Variants in SRPRA observed in about 807,000 individuals in gnomAD.
SRPRA encodes SRP receptor subunit alpha.
In SRPRA, 30 loss-of-function variants were observed where a neutral mutation model predicts 61.1. That is an observed-to-expected ratio of 0.49 (90% CI 0.37 to 0.67). The LOEUF (loss-of-function observed/expected upper bound fraction) is 0.67, where lower values mean the gene tolerates loss of function less well. Ranked by LOEUF, SRPRA falls within the 30% of genes least tolerant of loss-of-function variation. SRPRA has a pLI of 0.00. For synonymous variants in SRPRA, 324 were observed against 299.7 expected, an observed-to-expected ratio of 1.08 and a Z score of -0.84; for missense variants, 759 against 828.4, an observed-to-expected ratio of 0.92 and a Z score of 1.03.
chr11:126,266,802 T>TGA lies in SRPRA; in HGVS notation c.646_647insTC (p.Glu216ValfsTer66). On this transcript the variant is annotated frameshift_variant, in exon 5 of 14. Coordinates refer to ENST00000332118, the MANE Select transcript of SRPRA (RefSeq NM_003139.4). LOFTEE classifies it high-confidence loss of function. ...ACCCCTCCCATGCTTCTGAATGAACTCCTCGCGCTTCCTGCGGATCAGCTC... is the reference window on the plus strand; with the variant it reads ...ACCCCTCCCATGCTTCTGAATGAACTGACCTCGCGCTTCCTGCGGATCAGCTC... 1.9e-6 allele frequency: 3 copies of TGA among 1,614,160 alleles called. No homozygotes were observed. The highest frequency in any genetic ancestry group is 2.5e-6 in the Non-Finnish European group (3 of 1,180,038).
Position 126,268,832 on chromosome 11 carries a change from G to A in SRPRA, c.-28C>T, listed in dbSNP as rs747312660. On this transcript the variant is annotated 5_prime_UTR_variant, in exon 1 of 14. Transcript: ENST00000332118. ...CGGCAGCGGCAGAGGAGCTGGGGCC[G>A]GCGCCGGGAATTCAGGCCGCGTTCG... 4 of 1,585,548 alleles carry A rather than the reference G, an allele frequency of 2.5e-6. No individual in the cohort carries two copies. Among genetic ancestry groups the A allele is most frequent in the Admixed American group, 1.7e-5 (1 of 59,798 alleles).
Position 126,267,529 on chromosome 11 carries a change from A to C in SRPRA, c.365+20T>G. On this transcript the variant is annotated intron_variant, in intron 3 of 13. Transcript: ENST00000332118. The surrounding 1 kb of genome is among the most constrained non-coding windows in gnomAD (Gnocchi z 4.2). ...CAAATCATGGAAATAAATTGATTTT[A>C]GAGAAGGCAGGTCTCTCACCGAAGG... The C allele has an allele frequency of 1.2e-6, 2 of 1,613,024 alleles. No homozygotes were observed. Among genetic ancestry groups the C allele is most frequent in the Non-Finnish European group, 1.7e-6 (2 of 1,179,470 alleles).
At chr11:126,246,301 A>G in the SRPRA span, among the ~76,000 whole-genome samples, 1 of 152,204 alleles carries the variant, frequency 6.6e-6, no homozygotes, top group African/African-American at 2.4e-5. Context: ...CAGCAGTACT[A>G]TGGCAGGGTT....
At chr11:126,262,117 C>A, downstream of SRPRA, 1 of 1,614,046 alleles carries the variant, frequency 6.2e-7, no homozygotes, top group Non-Finnish European at 8.5e-7. Flanking sequence ...TTTCTCCCTA[C>A]AGGCTGTAGT....
chr11:126,266,865 G>C lies in SRPRA; in HGVS notation c.584C>G (p.Pro195Arg). The C allele has an allele frequency of 1.2e-6, 2 of 1,614,172 alleles. No homozygotes were observed. The highest frequency in any genetic ancestry group is 2.2e-5 in the South Asian group (2 of 91,084). Residue 195 changes from proline to arginine, a missense_variant, in exon 5 of 14, where the codon CCA becomes CGA. This residue lies in a region of SRPRA where 475 missense variants were observed against 462.5 expected (regional missense o/e 1.03). Coordinates refer to ENST00000332118, the MANE Select transcript of SRPRA (RefSeq NM_003139.4). ...KPVPAEKSGL[P>R]VGPENGVELS... ...TTCTACTCCGTTCTCAGGACCCACT[G>C]GAAGACCTGACTTTTCTGCAGGGAC...
the SRPRA span, among the ~76,000 whole-genome samples, chr11:126,241,855 T>TAA: frequency 6.6e-6 from 1 of 151,758 alleles, no homozygotes; most frequent in Admixed American, 6.6e-5. Context: ...CAGCCTGTTT[T>TAA]AAAATCTTAA....
chr11:126,268,629 G>T (rs1950875139), intron 1 of SRPRA, 59 bp downstream of exon 1: 1 of 1,431,456 alleles, frequency 7.0e-7, no homozygotes, highest in African/African-American at 1.4e-5. Context: ...GAGTCGAAGG[G>T]GACCATGGAT....
At chr11:126,240,846 T>G in the SRPRA span, 21 of 1,613,898 alleles carry the variant, frequency 1.3e-5, no homozygotes, top group Middle Eastern at 1.7e-4. Flanking sequence ...TGCTAGTGAT[T>G]GGAACAGGCA....
At chr11:126,237,727 C>T in the SRPRA span, among the ~76,000 whole-genome samples, 13 of 145,174 alleles carry the variant, frequency 9.0e-5, no homozygotes, top group South Asian at 1.5e-3. Flanking sequence ...CGTGGTGGCG[C>T]GTGCCTGTAA....
chr11:126,236,917 CTTTT>C, the SRPRA span, among the ~76,000 whole-genome samples: 4 of 68,398 alleles, frequency 5.8e-5, no homozygotes, highest in South Asian at 5.4e-4. Context: ...TTCACAGATG[CTTTT>C]TTTTTTTTTT....
rs1278875971 is a variant in SRPRA at position 126,265,698 on chromosome 11, C to T, written c.1138+39G>A. 1 of 1,606,734 alleles carries T rather than the reference C, an allele frequency of 6.2e-7. No homozygotes were observed. The highest frequency in any genetic ancestry group is 8.5e-7 in the Non-Finnish European group (1 of 1,173,518). ...TAAGAACTGAGGTCTATGCACTTAA[C>T]CTACACATAAGCACTTTCTCACTTA... On this transcript the variant is annotated intron_variant, in intron 9 of 13. Transcript: ENST00000332118. The surrounding 1 kb of genome is among the most constrained non-coding windows in gnomAD (Gnocchi z 6.3).
chr11:126,254,267 C>G, the SRPRA span: 1 of 1,603,392 alleles, frequency 6.2e-7, no homozygotes, highest in Non-Finnish European at 8.5e-7. Flanking sequence ...AGGTGCTCAG[C>G]CCTGCCAAGC....
chr11:126,268,643 G>A, intron 1 of SRPRA, 45 bp downstream of exon 1: 1 of 1,533,426 alleles, frequency 6.5e-7, no homozygotes, highest in Non-Finnish European at 9.0e-7. Context: ...CATGGATCGG[G>A]TCAGGAAAGA....
rs1249817203 is a variant in SRPRA at position 126,265,074 on chromosome 11, C to G, written c.1410G>C (p.Arg470=). Reference sequence around the variant, plus strand: ...CTGGAGGGTGTAGGGCACTCAAACGCCGGGTGTGTGTACGCAGCTGCTCCA... The same window carrying G: ...CTGGAGGGTGTAGGGCACTCAAACGGCGGGTGTGTGTACGCAGCTGCTCCA... ...GAVEQLRTHT[R]RLSALHPPEK... is the part of the protein sequence containing the mutation. Residue 470 remains arginine (R), a synonymous_variant, in exon 11 of 14, where the codon CGG becomes CGC. Coordinates refer to ENST00000332118, the MANE Select transcript of SRPRA (RefSeq NM_003139.4). This position sits in a 1 kb window ranked among gnomAD's most constrained non-coding sequence, Gnocchi z 6.3. The G allele has an allele frequency of 6.2e-7, 1 of 1,614,034 alleles. No individual in the cohort carries two copies. Among genetic ancestry groups the G allele is most frequent in the African/African-American group, 1.3e-5 (1 of 74,886 alleles).
At chr11:126,251,503 T>C in the SRPRA span, among the ~76,000 whole-genome samples, 4 of 152,162 alleles carry the variant, frequency 2.6e-5, no homozygotes, top group Admixed American at 6.5e-5. Flanking sequence ...TTAAAGGGAA[T>C]TGAATTTAGA....
chr11:126,258,282 G>A (rs886297264), downstream of SRPRA, among the ~76,000 whole-genome samples: 1 of 152,176 alleles, frequency 6.6e-6, no homozygotes, highest in African/African-American at 2.4e-5. Context: ...AGCTGCTTGG[G>A]AGGTTGAGGC....
Position 126,264,391 on chromosome 11 carries a change from T to G in SRPRA, c.1674A>C (p.Glu558Asp), listed in dbSNP as rs765012265. 4 of 1,614,076 alleles carry G rather than the reference T, an allele frequency of 2.5e-6. No homozygotes were observed. The African/African-American group carries it at 5.3e-5, about 22-fold the overall frequency. Residue 558 changes from glutamate to aspartate, a missense_variant, in exon 12 of 14, where the codon GAA becomes GAC. Physicochemically the swap from Glu to Asp is conservative, Grantham distance 45. Transcript: ENST00000332118. This position sits in a 1 kb window ranked among gnomAD's most constrained non-coding sequence, Gnocchi z 5.0. ...ACGCTCTCACCAGCTGGTCCACGGC[T>G]TCATTGCCTACTAAGGCTTCTCCTA... Reference protein sequence around the residue: ...LFVGEALVGNEAVDQLVKFNR... With the variant: ...LFVGEALVGNDAVDQLVKFNR...
chr11:126,261,155 G>GAAATGTA (rs10623520), downstream of SRPRA: 216,863 of 363,490 alleles, frequency 0.6, 68,023 homozygotes, highest in East Asian at 0.94. Flanking sequence ...GCCTGTATGT[G>GAAATGTA]AAATGTAAAA....
the SRPRA span, among the ~76,000 whole-genome samples, chr11:126,249,581 A>C: frequency 6.6e-6 from 1 of 151,918 alleles, no homozygotes; most frequent in Non-Finnish European, 1.5e-5. Context: ...AAATACAAAA[A>C]TTAGCTGAGC....
Sources: allele counts gnomAD v4.1 joint callset (sites outside exome capture counted in the v4.1 genomes callset), GRCh38; gene constraint gnomAD v4.1.1; regional missense constraint gnomAD v4.1.1; non-coding constraint Gnocchi (gnomAD v3.1); transcripts MANE v1.5; gene names NCBI Gene and HGNC (gene_info 2026-07-23, HGNC 2026-07-21).